Variants in LSAMP observed in about 807,000 individuals in gnomAD.
The protein encoded by LSAMP is limbic system associated membrane protein.
A neutral mutation model predicts 38.6 loss-of-function variants in LSAMP; 7 were observed. The ratio of observed to expected loss-of-function variants is 0.18; its 90% confidence interval spans 0.10 to 0.34. The LOEUF (loss-of-function observed/expected upper bound fraction) is 0.34, where lower values mean the gene tolerates loss of function less well. Among genes scored for constraint, LSAMP ranks in the 10% least tolerant of loss-of-function variants. The pLI, the probability that LSAMP is intolerant of heterozygous loss-of-function variation, is 1.00. For missense variants in LSAMP, 313 were observed against 420.0 expected (o/e 0.75, Z 2.23); for synonymous variants, 154 against 166.8 (o/e 0.92, Z 0.59).
intron 3 of LSAMP, among the ~76,000 whole-genome samples, chr3:115,985,748 T>C (rs1474015341): frequency 2.0e-5 from 3 of 152,148 alleles, no homozygotes. Flanking sequence ...GGTGAGGAAC[T>C]GAAGACCCTT....
In LSAMP at chr3:115,997,829, A is replaced by G. The variant is rs1030719062; in HGVS notation, c.514+21686T>C. ...TTAAATATACTAATATATGTATTTT[A>G]TATATTAGAATATATATTATGTATT... On this transcript the variant is annotated intron_variant, in intron 3 of 6. Coordinates refer to ENST00000490035, the MANE Select transcript of LSAMP (RefSeq NM_002338.5). 2.1e-5 allele frequency among the ~76,000 whole-genome samples: 3 copies of G among 145,060 alleles called. No individual in the cohort carries two copies. In the Admixed American group the frequency reaches 2.1e-4, roughly 10 times the overall value.
intron 1 of LSAMP, among the ~76,000 whole-genome samples, chr3:116,153,813 A>G (rs1412418716): frequency 6.6e-6 from 1 of 152,106 alleles, no homozygotes; most frequent in African/African-American, 2.4e-5. Flanking sequence ...GATGTAATAG[A>G]TTTGCTAGGT....
chr3:115,817,744 A>G (rs1934078114), intron 6 of LSAMP, among the ~76,000 whole-genome samples: 1 of 152,162 alleles, frequency 6.6e-6, no homozygotes. Flanking sequence ...AGTTCATACA[A>G]AAAGATGGAG....
intron 1 of LSAMP, among the ~76,000 whole-genome samples, chr3:116,161,019 G>A (rs1709874949): frequency 6.6e-6 from 1 of 152,190 alleles, no homozygotes; most frequent in South Asian, 2.1e-4. Flanking sequence ...CCAGCCACGT[G>A]GGGCTATGCA....
At chr3:116,339,706 G>A (rs1425620043) in intron 1 of LSAMP, among the ~76,000 whole-genome samples, 1 of 151,978 alleles carries the variant, frequency 6.6e-6, no homozygotes, top group Non-Finnish European at 1.5e-5. Flanking sequence ...TCAGAGCTTT[G>A]AGCCACCAGA....
intron 1 of LSAMP, among the ~76,000 whole-genome samples, chr3:116,285,984 A>G (rs71323438): frequency 0.087 from 13,313 of 152,220 alleles, 954 homozygotes; most frequent in African/African-American, 0.19. Flanking sequence ...TAGAGCTTAC[A>G]AAAAAGAGGA....
chr3:116,326,300 G>A (rs2047771705), intron 1 of LSAMP, among the ~76,000 whole-genome samples: 2 of 152,064 alleles, frequency 1.3e-5, no homozygotes, highest in Non-Finnish European at 2.9e-5. Context: ...TTCTCAATTA[G>A]AATTAATATA....
At chr3:115,950,798 C>CAAAAAAAAAAAAAAAAAAAA (rs56179163) in intron 3 of LSAMP, among the ~76,000 whole-genome samples, 1 of 86,728 alleles carries the variant, frequency 1.2e-5, no homozygotes, top group African/African-American at 5.2e-5. Flanking sequence ...CAAGACTTAG[C>CAAAAAAAAAAAAAAAAAAAA]AAAAAAAAAA....
At chr3:115,897,368 T>TA (rs1186581996) in intron 3 of LSAMP, among the ~76,000 whole-genome samples, 1 of 151,724 alleles carries the variant, frequency 6.6e-6, no homozygotes, top group East Asian at 1.9e-4. Context: ...TGATTTTTTT[T>TA]AAAAAAGCTT....
chr3:116,183,663 GT>G (rs1255454798), intron 1 of LSAMP, among the ~76,000 whole-genome samples: 2 of 151,830 alleles, frequency 1.3e-5, no homozygotes, highest in African/African-American at 2.4e-5. Context: ...ATAAATGACA[GT>G]TGCCCATTTA....
intron 1 of LSAMP, among the ~76,000 whole-genome samples, chr3:116,359,422 T>C (rs951654554): frequency 2.6e-5 from 4 of 152,186 alleles, no homozygotes; most frequent in Non-Finnish European, 5.9e-5. Flanking sequence ...AGACCAACCA[T>C]AGACATCTTG....
At chr3:115,825,780 C>T (rs1182504412) in intron 6 of LSAMP, among the ~76,000 whole-genome samples, 2 of 152,140 alleles carry the variant, frequency 1.3e-5, no homozygotes, top group Non-Finnish European at 2.9e-5. Context: ...GGATATCCAT[C>T]ACTTTAAATA....
At chr3:116,428,837 C>T (rs1225427937) in intron 1 of LSAMP, among the ~76,000 whole-genome samples, 2 of 152,108 alleles carry the variant, frequency 1.3e-5, no homozygotes, top group Non-Finnish European at 2.9e-5. Context: ...TTTTAATATC[C>T]ATAGATGTTT....
chr3:115,854,284 T>TA (rs369597774), intron 3 of LSAMP, among the ~76,000 whole-genome samples: 8,049 of 83,034 alleles, frequency 0.097, 225 homozygotes, highest in Admixed American at 0.16. Context: ...TTATTATTAT[T>TA]TTTTTTTTTT....
intron 4 of LSAMP, among the ~76,000 whole-genome samples, chr3:115,847,348 G>T (rs2107514245): frequency 1.3e-5 from 2 of 152,322 alleles, no homozygotes; most frequent in South Asian, 4.1e-4. Flanking sequence ...ATTTAGAAAT[G>T]ATAATAAAAC....
At chr3:115,911,620 A>G (rs569724398) in intron 3 of LSAMP, among the ~76,000 whole-genome samples, 319 of 152,318 alleles carry the variant, frequency 2.1e-3, no homozygotes, top group Non-Finnish European at 3.6e-3. Flanking sequence ...CTGGGATTAC[A>G]GGTGTGAGCT....
chr3:116,133,985 C>T (rs1173788928), intron 1 of LSAMP, among the ~76,000 whole-genome samples: 1 of 152,076 alleles, frequency 6.6e-6, no homozygotes, highest in East Asian at 1.9e-4. Context: ...TTTCCAGTCT[C>T]TTAGAGGTTT....
At chr3:116,072,371 A>T (rs1707628186) in intron 2 of LSAMP, among the ~76,000 whole-genome samples, 1 of 152,094 alleles carries the variant, frequency 6.6e-6, no homozygotes, top group Non-Finnish European at 1.5e-5. Context: ...ATATGAGTGC[A>T]TGTATCTTTA....
chr3:115,870,623 G>C (rs549841340), intron 3 of LSAMP, among the ~76,000 whole-genome samples: 1 of 152,154 alleles, frequency 6.6e-6, no homozygotes, highest in African/African-American at 2.4e-5. Context: ...TGGTGATTTT[G>C]ATGTACACAC....
Sources: gnomAD v4.1 joint callset for allele counts (sites outside exome capture counted in the v4.1 genomes callset) on GRCh38, gnomAD v4.1.1 for gene constraint, MANE v1.5 for transcripts, NCBI Gene and HGNC (gene_info 2026-07-23, HGNC 2026-07-21) for gene names.